The following TMEM41B variants were observed in gnomAD, a reference collection of about 807,000 sequenced individuals.
TMEM41B encodes the protein protein stasimon.
A neutral mutation model predicts 31.9 loss-of-function variants in TMEM41B; 18 were observed. The ratio of observed to expected loss-of-function variants is 0.56; its 90% CI spans 0.39 to 0.84. TMEM41B has a LOEUF of 0.84. TMEM41B is among the 40% of genes least tolerant of loss of function. The pLI is 0.00. For missense variants in TMEM41B, 322 were observed against 348.0 expected (o/e 0.93, Z 0.59); for synonymous variants, 144 against 124.3 (o/e 1.16, Z -1.05).
At chr11:9,307,410 G>C (rs1853426459) in intron 1 of TMEM41B, among the ~76,000 whole-genome samples, 1 of 151,708 alleles carries the variant, frequency 6.6e-6, no homozygotes, top group Admixed American at 6.6e-5. Context: ...TTAACATCAA[G>C]TATAAATTTA....
intron 1 of TMEM41B, among the ~76,000 whole-genome samples, chr11:9,311,991 T>C (rs1853572137): frequency 6.6e-6 from 1 of 152,238 alleles, no homozygotes; most frequent in South Asian, 2.1e-4. Context: ...AAGTTATATA[T>C]GTGTCACTTA....
chr11:9,300,247 T>C (rs1219945339), intron 1 of TMEM41B, among the ~76,000 whole-genome samples: 2 of 152,164 alleles, frequency 1.3e-5, no homozygotes, highest in African/African-American at 2.4e-5. Flanking sequence ...CCAGACTCTG[T>C]AGCATTGGTT....
chr11:9,286,925 G>T (rs561852782), intron 5 of TMEM41B, among the ~76,000 whole-genome samples: 2 of 150,636 alleles, frequency 1.3e-5, no homozygotes, highest in Admixed American at 6.6e-5. Flanking sequence ...GCTTGAACCC[G>T]GGAGGCAGAG....
Position 9,283,356 on chromosome 11 carries a change from CAT to C in TMEM41B, c.*66_*67del. 1 of 1,277,536 alleles carries C rather than the reference CAT, an allele frequency of 7.8e-7. No individual in the cohort carries two copies. The highest frequency in any genetic ancestry group is 1.1e-6 in the Non-Finnish European group (1 of 925,950). The allele number at this position is 1,277,536 out of a possible 1,614,324, so 79.1% of individuals were successfully genotyped here. On this transcript the variant is annotated 3_prime_UTR_variant, in exon 7 of 7. Coordinates refer to ENST00000528080, the MANE Select transcript of TMEM41B (RefSeq NM_015012.4). ...AATTACTGAAGAGGTGATTTTAAAA[CAT>C]AAATGGATGCACCTGTTAATCCTGA...
chr11:9,311,516 C>G, intron 1 of TMEM41B: 1 of 1,374,832 alleles, frequency 7.3e-7, no homozygotes, highest in Non-Finnish European at 1.0e-6. Context: ...GATGAGGGGG[C>G]CAACCTGGGG....
chr11:9,291,822 C>T (rs926679058), intron 3 of TMEM41B, among the ~76,000 whole-genome samples: 1 of 152,146 alleles, frequency 6.6e-6, no homozygotes, highest in African/African-American at 2.4e-5. Context: ...AATTCTCTGC[C>T]TCAGCCTCCC....
intron 3 of TMEM41B, 102 bp from the exon 4 acceptor site, chr11:9,288,637 A>T: frequency 1.2e-6 from 1 of 811,358 alleles, no homozygotes; most frequent in African/African-American, 1.8e-5. Context: ...ATTATCATAC[A>T]ATGAGATTAT....
In TMEM41B at chr11:9,281,662, A is replaced by G. The variant is rs1228147597; in HGVS notation, c.*1762T>C. The G allele has an allele frequency of 6.6e-6, 1 of 152,228 alleles. No homozygotes were observed. The highest frequency in any genetic ancestry group is 1.5e-5 in the Non-Finnish European group (1 of 68,050). 9.4% of individuals were successfully genotyped at this position (152,228 alleles called of 1,614,324 possible). A position where few individuals can be genotyped will look rare whatever the true frequency, so the allele number is the denominator to read the frequency against. ...GAATCAAGGGCATTACCCATTTACC[A>G]AGCAGCAAAAAGCACTTTCATTTTT... On this transcript the variant is annotated 3_prime_UTR_variant, in exon 7 of 7. Coordinates refer to ENST00000528080, the MANE Select transcript of TMEM41B (RefSeq NM_015012.4).
At chr11:9,312,603 A>G (rs910642063) in intron 1 of TMEM41B, among the ~76,000 whole-genome samples, 1 of 152,168 alleles carries the variant, frequency 6.6e-6, no homozygotes, top group Non-Finnish European at 1.5e-5. Context: ...GTCATGGGAC[A>G]GCATCATAAG....
intron 3 of TMEM41B, 188 bp downstream of exon 3, chr11:9,295,071 A>C: frequency 1.2e-6 from 1 of 861,834 alleles, no homozygotes; most frequent in Non-Finnish European, 1.5e-6. Flanking sequence ...TTCAGACATA[A>C]AAACAATTAG....
chr11:9,290,500 G>GT (rs1852931606), intron 3 of TMEM41B, among the ~76,000 whole-genome samples: 1 of 151,856 alleles, frequency 6.6e-6, no homozygotes, highest in African/African-American at 2.4e-5. Flanking sequence ...ATATACGTAT[G>GT]TAACAAACCT....
intron 3 of TMEM41B, 136 bp downstream of exon 3, chr11:9,295,123 A>G: frequency 1.9e-6 from 2 of 1,080,750 alleles, no homozygotes; most frequent in Non-Finnish European, 2.4e-6. Context: ...TTCCATTTTA[A>G]TTTTTCAATT....
Position 9,283,161 on chromosome 11 carries a change from C to G in TMEM41B, c.*263G>C, listed in dbSNP as rs2133605634. 1 of 256,080 alleles carries G rather than the reference C, an allele frequency of 3.9e-6. No individual in the cohort carries two copies. The highest frequency in any genetic ancestry group is 1.1e-4 in the South Asian group (1 of 9,472). The allele number at this position is 256,080 out of a possible 1,614,324, so 15.9% of individuals were successfully genotyped here. ...TTTCCTACCACACTACTATTATCTA[C>G]AGCTACCCTTGGTATAATAATTTAT... On this transcript the variant is annotated 3_prime_UTR_variant, in exon 7 of 7. Coordinates refer to ENST00000528080, the MANE Select transcript of TMEM41B (RefSeq NM_015012.4).
At chr11:9,293,947 G>T (rs1315959992) in intron 3 of TMEM41B, among the ~76,000 whole-genome samples, 1 of 152,022 alleles carries the variant, frequency 6.6e-6, no homozygotes, top group African/African-American at 2.4e-5. Flanking sequence ...GCTCATGACT[G>T]AAATCCCAGC....
At chr11:9,313,188 T>C (rs1853604325) in intron 1 of TMEM41B, among the ~76,000 whole-genome samples, 1 of 152,208 alleles carries the variant, frequency 6.6e-6, no homozygotes, top group Non-Finnish European at 1.5e-5. Context: ...ATTTATACAT[T>C]AACAACGATT....
intron 6 of TMEM41B, among the ~76,000 whole-genome samples, chr11:9,285,121 G>A (rs1852808025): frequency 1.7e-5 from 2 of 117,412 alleles, no homozygotes; most frequent in South Asian, 5.3e-4. Context: ...GTGTCTTGCT[G>A]TCGCCCAGGC....
At chr11:9,290,695 C>T (rs541983556) in intron 3 of TMEM41B, among the ~76,000 whole-genome samples, 39 of 152,116 alleles carry the variant, frequency 2.6e-4, no homozygotes, top group Non-Finnish European at 4.7e-4. Context: ...TGTTGTTTAA[C>T]GCAACTGTAT....
chr11:9,287,627 AT>A, intron 5 of TMEM41B, 74 bp downstream of exon 5: 1 of 953,236 alleles, frequency 1.0e-6, no homozygotes. Flanking sequence ...CATGTAGTTA[AT>A]TCATGTAGGG....
At chr11:9,295,534 A>G (rs1173732323) in intron 2 of TMEM41B, 147 bp from the exon 3 acceptor site, 2 of 584,522 alleles carry the variant, frequency 3.4e-6, no homozygotes, top group South Asian at 4.7e-5. Flanking sequence ...AAAAGTTTAT[A>G]ATTTTTCTTT....
Sources: allele counts gnomAD v4.1 joint callset (sites outside exome capture counted in the v4.1 genomes callset), GRCh38; gene constraint gnomAD v4.1.1; transcripts MANE v1.5; gene names NCBI Gene and HGNC (gene_info 2026-07-23, HGNC 2026-07-21).